The following ASIC2 variants were observed in gnomAD, a reference collection of about 807,000 sequenced individuals.
ASIC2 encodes the protein acid sensing ion channel subunit 2.
In ASIC2, 25 loss-of-function variants were observed where a neutral mutation model predicts 57.3. The observed-to-expected ratio is 0.44, with a 90% CI of 0.32 to 0.61. The LOEUF is 0.61. Among genes scored for constraint, ASIC2 ranks in the 20% least tolerant of loss-of-function variants. The pLI is 0.06. For synonymous variants in ASIC2, 319 were observed against 307.5 expected (o/e 1.04, Z -0.39); for missense variants, 641 against 738.1 (o/e 0.87, Z 1.52).
chr17:33,608,532 C>T (rs1410925370), intron 1 of ASIC2, among the ~76,000 whole-genome samples: 1 of 151,844 alleles, frequency 6.6e-6, no homozygotes, highest in African/African-American at 2.4e-5. Context: ...TCCTTATATG[C>T]ATGGTGGGGT....
chr17:33,298,851 C>T (rs142498502), intron 1 of ASIC2, among the ~76,000 whole-genome samples: 2,832 of 152,200 alleles, frequency 0.019, 38 homozygotes, highest in African/African-American at 0.034. Flanking sequence ...TGCTTCAAAG[C>T]GAATAAAATA....
intron 1 of ASIC2, among the ~76,000 whole-genome samples, chr17:33,514,744 G>A (rs1039289904): frequency 1.3e-5 from 2 of 152,214 alleles, no homozygotes; most frequent in African/African-American, 4.8e-5. Context: ...AGATCACGTG[G>A]TCTTGGAAAG....
intron 1 of ASIC2, among the ~76,000 whole-genome samples, chr17:33,518,961 C>T (rs998868695): frequency 2.0e-5 from 3 of 151,968 alleles, no homozygotes; most frequent in African/African-American, 7.2e-5. Context: ...GCTGGGACTA[C>T]AGGCGCCCGC....
At chr17:33,393,802 T>C (rs1431892977) in intron 1 of ASIC2, among the ~76,000 whole-genome samples, 1 of 152,120 alleles carries the variant, frequency 6.6e-6, no homozygotes, top group Non-Finnish European at 1.5e-5. Context: ...TCATCATCCA[T>C]GATGTCTAAG....
chr17:33,557,326 G>A (rs941560076), intron 1 of ASIC2, among the ~76,000 whole-genome samples: 1 of 152,070 alleles, frequency 6.6e-6, no homozygotes, highest in African/African-American at 2.4e-5. Context: ...ACTATCCTCA[G>A]AGAAGAAAAT....
At chr17:33,279,399 G>A (rs1904846748) in intron 1 of ASIC2, among the ~76,000 whole-genome samples, 1 of 152,156 alleles carries the variant, frequency 6.6e-6, no homozygotes, top group African/African-American at 2.4e-5. Context: ...AAAATTCTTT[G>A]GAATAGAGAT....
At chr17:33,453,894 T>C (rs977553802) in intron 1 of ASIC2, among the ~76,000 whole-genome samples, 3 of 152,234 alleles carry the variant, frequency 2.0e-5, no homozygotes, top group African/African-American at 7.2e-5. Flanking sequence ...TATGCTTTTT[T>C]TGGTCTGTCT....
intron 1 of ASIC2, among the ~76,000 whole-genome samples, chr17:33,255,549 G>C (rs1909035953): frequency 6.9e-6 from 1 of 144,008 alleles, no homozygotes; most frequent in Non-Finnish European, 1.5e-5. Flanking sequence ...GGAAATGTTC[G>C]CATCAGGCTG....
At chr17:33,369,303 T>C (rs1279353694) in intron 1 of ASIC2, among the ~76,000 whole-genome samples, 1 of 152,180 alleles carries the variant, frequency 6.6e-6, no homozygotes, top group African/African-American at 2.4e-5. Flanking sequence ...ACTTTGAGAA[T>C]GAGCTGGCTG....
intron 1 of ASIC2, chr17:33,541,325 A>C (rs372338492): frequency 6.6e-6 from 1 of 152,210 alleles, no homozygotes; most frequent in African/African-American, 2.4e-5. Context: ...CCCTGGCCCC[A>C]ATCTTTGGAC....
At chr17:33,665,561 C>T (rs962520322) in intron 1 of ASIC2, among the ~76,000 whole-genome samples, 1 of 152,202 alleles carries the variant, frequency 6.6e-6, no homozygotes, top group Non-Finnish European at 1.5e-5. Context: ...CAATGCAAAG[C>T]AAATGTGGCT....
chr17:33,282,718 G>A (rs1905007651), intron 1 of ASIC2, among the ~76,000 whole-genome samples: 1 of 152,028 alleles, frequency 6.6e-6, no homozygotes, highest in African/African-American at 2.4e-5. Context: ...CAAGTGATCT[G>A]CCGCCTCAGC....
intron 1 of ASIC2, among the ~76,000 whole-genome samples, chr17:33,812,065 C>T (rs1160798314): frequency 6.6e-6 from 1 of 152,134 alleles, no homozygotes; most frequent in Non-Finnish European, 1.5e-5. Flanking sequence ...CAGATAAAAA[C>T]CCCTTTATTG....
chr17:33,663,135 A>G lies in ASIC2; in HGVS notation c.555+492843T>C, dbSNP rs139866034. Among the ~76,000 whole-genome samples the G allele has an allele frequency of 1.1e-4, 17 of 152,324 alleles. No individual in the cohort carries two copies. In the East Asian group the frequency reaches 1.9e-3, roughly 17 times the overall value. On this transcript the variant is annotated intron_variant, in intron 1 of 9. Transcript: ENST00000359872. ...CACGATCTCATTTCATCTTCAAAAT[A>G]ACTCAGCAAGGTAAGTATATTTCCC...
At chr17:34,058,423 G>C (rs1233168315) in intron 1 of ASIC2, among the ~76,000 whole-genome samples, 2 of 152,166 alleles carry the variant, frequency 1.3e-5, no homozygotes, top group Non-Finnish European at 2.9e-5. Context: ...TTTCTCATTT[G>C]TTCTCTTATC....
chr17:33,492,861 TG>T (rs1192261441), intron 1 of ASIC2, among the ~76,000 whole-genome samples: 1 of 152,182 alleles, frequency 6.6e-6, no homozygotes, highest in African/African-American at 2.4e-5. Flanking sequence ...GATAGCTACT[TG>T]GTGCACTTTC....
At chr17:34,074,650 A>G (rs773219560) in intron 1 of ASIC2, among the ~76,000 whole-genome samples, 13 of 152,132 alleles carry the variant, frequency 8.5e-5, no homozygotes, top group Non-Finnish European at 1.5e-4. Flanking sequence ...GCCCCTACAG[A>G]GCAGAAAACA....
Position 33,546,083 on chromosome 17 carries a change from T to C in ASIC2, c.556-434016A>G, listed in dbSNP as rs547640627. Among the ~76,000 whole-genome samples the C allele has an allele frequency of 2.6e-5, 4 of 151,172 alleles. No homozygotes were observed. The South Asian group carries it at 6.2e-4, about 24-fold the overall frequency. On this transcript the variant is annotated intron_variant, in intron 1 of 9. Transcript: ENST00000359872. ...TCTGGTTGTATTAGCATGATGCATTTATGGGTGAAGTTTTCTCATATATAT... is the reference window on the plus strand; with the variant it reads ...TCTGGTTGTATTAGCATGATGCATTCATGGGTGAAGTTTTCTCATATATAT...
At chr17:34,095,815 T>C (rs925668681) in intron 1 of ASIC2, among the ~76,000 whole-genome samples, 5 of 150,138 alleles carry the variant, frequency 3.3e-5, no homozygotes, top group Admixed American at 2.0e-4. Context: ...GGAGGGTTCA[T>C]AGACAGAAAG....
Sources: gnomAD v4.1 joint callset for allele counts (sites outside exome capture counted in the v4.1 genomes callset) on GRCh38, gnomAD v4.1.1 for gene constraint, MANE v1.5 for transcripts, NCBI Gene and HGNC (gene_info 2026-07-23, HGNC 2026-07-21) for gene names.